TENM4: variants seen among roughly 807,000 people sequenced by gnomAD.
TENM4 encodes the protein teneurin-4.
In TENM4, 82 loss-of-function variants were observed where a neutral mutation model predicts 243.3. The ratio of observed to expected loss-of-function variants is 0.34; its 90% CI spans 0.28 to 0.40. TENM4 has a LOEUF of 0.40. Among genes scored for constraint, TENM4 ranks in the 10% least tolerant of loss-of-function variants. The pLI, the probability that TENM4 is intolerant of heterozygous loss-of-function variation, is 1.00. For synonymous variants in TENM4, 1,412 were observed against 1,456.3 expected (o/e 0.97, Z 0.69); for missense variants, 3,138 against 3,673.3 (o/e 0.85, Z 3.77).
intron 1 of TENM4, among the ~76,000 whole-genome samples, chr11:79,334,973 T>C (rs1169864948): frequency 6.6e-6 from 1 of 152,224 alleles, no homozygotes. Flanking sequence ...GTTATTCTTC[T>C]TTCGCCACCT....
At chr11:78,974,599 AAGCATGC>A (rs1436558431) in intron 6 of TENM4, among the ~76,000 whole-genome samples, 1 of 152,160 alleles carries the variant, frequency 6.6e-6, no homozygotes, top group Non-Finnish European at 1.5e-5. Context: ...AAATGCATAA[AAGCATGC>A]ATGTCTGGGG....
intron 6 of TENM4, among the ~76,000 whole-genome samples, chr11:78,930,753 A>C (rs1398268684): frequency 6.6e-6 from 1 of 152,238 alleles, no homozygotes; most frequent in Non-Finnish European, 1.5e-5. Flanking sequence ...TTGTAACCTC[A>C]AAGAACATTT....
chr11:78,876,181 T>C (rs1436312044), intron 9 of TENM4, among the ~76,000 whole-genome samples: 3 of 152,186 alleles, frequency 2.0e-5, no homozygotes, highest in Non-Finnish European at 2.9e-5. Flanking sequence ...TTAATAATTA[T>C]AGAGAGTGCA....
chr11:79,243,693 G>A (rs1046004313), intron 2 of TENM4, among the ~76,000 whole-genome samples: 4 of 152,190 alleles, frequency 2.6e-5, no homozygotes, highest in African/African-American at 4.8e-5. Context: ...AGAGCCTCCC[G>A]TGGAGCCGGG....
intron 15 of TENM4, among the ~76,000 whole-genome samples, chr11:78,789,981 C>T (rs180852849): frequency 6.6e-6 from 1 of 152,308 alleles, no homozygotes; most frequent in East Asian, 1.9e-4. Flanking sequence ...ATGACAACCA[C>T]TTCAGAGGCT....
intron 5 of TENM4, 82 bp downstream of exon 5, chr11:79,069,640 T>TGCGCCACGCCCACCC: frequency 1.4e-6 from 2 of 1,458,742 alleles, no homozygotes; most frequent in Non-Finnish European, 1.8e-6. Context: ...CACGCCCACC[T>TGCGCCACGCCCACCC]GCGCCACGCC....
intron 1 of TENM4, among the ~76,000 whole-genome samples, chr11:79,318,150 T>C (rs7949310): frequency 0.2 from 30,320 of 152,100 alleles, 3,286 homozygotes; most frequent in East Asian, 0.35. Flanking sequence ...TTTAAAAATC[T>C]TGATCTGAAT....
At chr11:78,768,659 G>A (rs1242089751) in intron 18 of TENM4, among the ~76,000 whole-genome samples, 2 of 152,198 alleles carry the variant, frequency 1.3e-5, no homozygotes, top group African/African-American at 2.4e-5. Context: ...CCCATAACAT[G>A]CTCCAAAAAT....
At chr11:78,978,549 G>A (rs1857719798) in intron 6 of TENM4, among the ~76,000 whole-genome samples, 1 of 152,218 alleles carries the variant, frequency 6.6e-6, no homozygotes, top group East Asian at 1.9e-4. Flanking sequence ...AAAGTGGGCA[G>A]GCTCTCTACC....
intron 19 of TENM4, among the ~76,000 whole-genome samples, chr11:78,740,179 T>G (rs1855888413): frequency 6.6e-6 from 1 of 152,148 alleles, no homozygotes; most frequent in Admixed American, 6.5e-5. Context: ...AAAAAAGATC[T>G]CAAATTCAGT....
intron 25 of TENM4, among the ~76,000 whole-genome samples, chr11:78,716,091 C>G (rs76120778): frequency 6.6e-6 from 1 of 152,290 alleles, no homozygotes; most frequent in African/African-American, 2.4e-5. Flanking sequence ...AAAACTGAGA[C>G]TGGAAGAGGT....
chr11:78,707,065 G>C (rs187378975), intron 27 of TENM4, among the ~76,000 whole-genome samples: 4 of 152,158 alleles, frequency 2.6e-5, no homozygotes, highest in African/African-American at 7.2e-5. Flanking sequence ...AGGACTTAGC[G>C]ATACATGTCA....
At chr11:79,232,668 G>A in intron 2 of TENM4, among the ~76,000 whole-genome samples, 1 of 152,228 alleles carries the variant, frequency 6.6e-6, no homozygotes, top group East Asian at 1.9e-4. Context: ...GACACATTGT[G>A]TCCAGAACAC....
intron 1 of TENM4, among the ~76,000 whole-genome samples, chr11:79,397,753 G>A (rs777507807): frequency 2.0e-5 from 3 of 152,166 alleles, no homozygotes; most frequent in Non-Finnish European, 2.9e-5. Flanking sequence ...AATTTTTAGG[G>A]AGGGCTGGCT....
intron 6 of TENM4, among the ~76,000 whole-genome samples, chr11:78,999,773 C>A (rs1464334259): frequency 6.6e-6 from 1 of 151,846 alleles, no homozygotes; most frequent in Non-Finnish European, 1.5e-5. Flanking sequence ...AGCCCAACAA[C>A]AAACATATAA....
chr11:79,435,082 T>C (rs1222646562), intron 1 of TENM4, among the ~76,000 whole-genome samples: 3 of 152,172 alleles, frequency 2.0e-5, no homozygotes, highest in African/African-American at 7.2e-5. Context: ...TTCAAAACAC[T>C]ATACTAGGAT....
chr11:79,419,729 C>T (rs1440238679), intron 1 of TENM4, among the ~76,000 whole-genome samples: 1 of 152,176 alleles, frequency 6.6e-6, no homozygotes, highest in East Asian at 1.9e-4. Flanking sequence ...AGGTCTGCTA[C>T]ACAGTAGGGG....
intron 6 of TENM4, among the ~76,000 whole-genome samples, chr11:79,037,596 T>C (rs1859420505): frequency 6.6e-6 from 1 of 152,224 alleles, no homozygotes. Flanking sequence ...CTTAAGTCCA[T>C]ACACTTTGGG....
chr11:79,404,707 G>A (rs1858531021), intron 1 of TENM4, among the ~76,000 whole-genome samples: 1 of 152,142 alleles, frequency 6.6e-6, no homozygotes, highest in African/African-American at 2.4e-5. Flanking sequence ...GCCTCAGGAA[G>A]TGTTTATATG....
Sources: allele counts gnomAD v4.1 joint callset (sites outside exome capture counted in the v4.1 genomes callset), GRCh38; gene constraint gnomAD v4.1.1; transcripts MANE v1.5; gene names NCBI Gene and HGNC (gene_info 2026-07-23, HGNC 2026-07-21).